TENM2: variants seen among roughly 807,000 people sequenced by gnomAD.
TENM2 encodes teneurin transmembrane protein 2, also known as teneurin-2.
TENM2 carries 52 observed loss-of-function variants against 245.2 expected under a neutral mutation model. That is an observed-to-expected ratio of 0.21 (90% CI 0.17 to 0.27). The LOEUF is 0.27. Ranked by LOEUF, TENM2 falls within the 10% of genes least tolerant of loss-of-function variation. The probability of loss-of-function intolerance (pLI) is 1.00; values close to 1 mark genes in which losing one functional copy is unlikely to be tolerated. For synonymous variants in TENM2, 1,363 were observed against 1,438.9 expected (o/e 0.95, Z 1.19); for missense variants, 3,046 against 3,666.8 (o/e 0.83, Z 4.37).
At chr5:167,881,304 C>T (rs902701136) in intron 3 of TENM2, among the ~76,000 whole-genome samples, 16 of 152,110 alleles carry the variant, frequency 1.1e-4, no homozygotes, top group Non-Finnish European at 1.9e-4. Flanking sequence ...TCTACAAAAG[C>T]CATTGTACAT....
At chr5:167,876,310 C>T in intron 3 of TENM2, 115 bp downstream of exon 5, 1 of 858,586 alleles carries the variant, frequency 1.2e-6, no homozygotes, top group South Asian at 1.6e-5. Context: ...TGGGGAGCAT[C>T]AGGGTGAAAT....
intron 4 of TENM2, among the ~76,000 whole-genome samples, chr5:167,990,010 T>C (rs1319558663): frequency 6.6e-6 from 1 of 152,294 alleles, no homozygotes; most frequent in East Asian, 1.9e-4. Flanking sequence ...ATTGGCAAGA[T>C]CACTGAGGAT....
At chr5:167,643,603 A>C (rs116266305) in intron 2 of TENM2, among the ~76,000 whole-genome samples, 1,713 of 152,346 alleles carry the variant, frequency 0.011, 19 homozygotes, top group East Asian at 0.061. Flanking sequence ...TTCAGAGTCA[A>C]GTTTTGTTCT....
intron 2 of TENM2, among the ~76,000 whole-genome samples, chr5:167,851,649 G>A (rs1474239863): frequency 1.3e-5 from 2 of 152,196 alleles, no homozygotes; most frequent in African/African-American, 4.8e-5. Context: ...GGACATTCCT[G>A]TCTTTGTGGG....
chr5:167,345,728 G>A (rs1758412201), intron 1 of TENM2, among the ~76,000 whole-genome samples: 1 of 151,956 alleles, frequency 6.6e-6, no homozygotes, highest in African/African-American at 2.4e-5. Context: ...ACTATATTTG[G>A]ACAAACCAAA....
the TENM2 span, among the ~76,000 whole-genome samples, chr5:167,052,343 A>G: frequency 6.6e-6 from 1 of 152,178 alleles, no homozygotes; most frequent in Non-Finnish European, 1.5e-5. Flanking sequence ...TGAAATGCCA[A>G]CATCATATTG....
intron 2 of TENM2, among the ~76,000 whole-genome samples, chr5:167,413,475 C>T (rs2127408885): frequency 6.6e-6 from 1 of 152,226 alleles, no homozygotes; most frequent in South Asian, 2.1e-4. Flanking sequence ...CTTGCTATTG[C>T]ATTATTATCC....
At chr5:167,499,051 T>TTA (rs1325438771) in intron 2 of TENM2, among the ~76,000 whole-genome samples, 6 of 152,148 alleles carry the variant, frequency 3.9e-5, no homozygotes, top group South Asian at 4.1e-4. Context: ...CATGTGCTTT[T>TTA]TCTTGCACTC....
chr5:167,564,321 G>T (rs188736635), intron 2 of TENM2, among the ~76,000 whole-genome samples: 39 of 152,280 alleles, frequency 2.6e-4, no homozygotes, highest in Admixed American at 1.2e-3. Context: ...AGAGGCCTAT[G>T]CAGCTGAAAA....
At chr5:168,057,457 T>A (rs1277851320) in intron 6 of TENM2, among the ~76,000 whole-genome samples, 1 of 152,162 alleles carries the variant, frequency 6.6e-6, no homozygotes, top group African/African-American at 2.4e-5. Flanking sequence ...CACTCTAATA[T>A]AGATATGGAC....
At chr5:167,602,087 T>C (rs1227285548) in intron 2 of TENM2, among the ~76,000 whole-genome samples, 2 of 152,090 alleles carry the variant, frequency 1.3e-5, no homozygotes, top group Non-Finnish European at 2.9e-5. Context: ...GTTTTGGCCA[T>C]GAATACTGCT....
At chr5:167,789,902 A>G (rs1002075765) in intron 2 of TENM2, among the ~76,000 whole-genome samples, 3 of 152,220 alleles carry the variant, frequency 2.0e-5, no homozygotes, top group Non-Finnish European at 4.4e-5. Context: ...CATAATATGT[A>G]CTTAATAAAT....
intron 2 of TENM2, among the ~76,000 whole-genome samples, chr5:167,410,235 A>C (rs1047762488): frequency 6.6e-6 from 1 of 152,012 alleles, no homozygotes; most frequent in Non-Finnish European, 1.5e-5. Context: ...GAAAAATAGC[A>C]ATCAAAGCAT....
At chr5:167,058,130 G>A in the TENM2 span, among the ~76,000 whole-genome samples, 9 of 152,138 alleles carry the variant, frequency 5.9e-5, no homozygotes, top group Admixed American at 5.2e-4. Flanking sequence ...AAGAGTTGTT[G>A]ATTTTTCAGT....
chr5:167,187,249 A>C, the TENM2 span, among the ~76,000 whole-genome samples: 1 of 152,168 alleles, frequency 6.6e-6, no homozygotes, highest in Non-Finnish European at 1.5e-5. Flanking sequence ...TGATTTGACA[A>C]AACAGGTCAT....
At chr5:167,516,108 ATAT>A (rs1366694601) in intron 2 of TENM2, among the ~76,000 whole-genome samples, 1 of 152,098 alleles carries the variant, frequency 6.6e-6, no homozygotes, top group Non-Finnish European at 1.5e-5. Flanking sequence ...TGCGTATATA[ATAT>A]TCAGGAAAAA....
At position 168,168,557 on chromosome 5, in the gene TENM2, G is replaced by A. The variant is rs548490121; in HGVS notation, c.2569+5800G>A. Among the ~76,000 whole-genome samples the A allele has an allele frequency of 1.9e-3, 286 of 152,148 alleles. 1 individual carries two copies. Among genetic ancestry groups the A allele is most frequent in the African/African-American group, 4.5e-3 (188 of 41,498 alleles). Reference sequence around the variant, plus strand: ...TAGCCAGGCAGGCATCCTGGCATGCGCCTGTAGTTCCAGCTACTCAGGAGG... The same window carrying A: ...TAGCCAGGCAGGCATCCTGGCATGCACCTGTAGTTCCAGCTACTCAGGAGG... On this transcript the variant is annotated intron_variant, in intron 13 of 28. Coordinates refer to ENST00000518659, the Ensembl canonical transcript of TENM2.
chr5:167,031,869 G>C, the TENM2 span, among the ~76,000 whole-genome samples: 1 of 152,082 alleles, frequency 6.6e-6, no homozygotes, highest in African/African-American at 2.4e-5. Context: ...CAGCCTATTT[G>C]AGTTTTTTAA....
At chr5:167,318,130 A>G (rs1185229274) in intron 1 of TENM2, among the ~76,000 whole-genome samples, 1 of 152,180 alleles carries the variant, frequency 6.6e-6, no homozygotes. Flanking sequence ...TTGGATTGTC[A>G]GTGTAGTTCT....
Sources: gnomAD v4.1 joint callset for allele counts (sites outside exome capture counted in the v4.1 genomes callset) on GRCh38, gnomAD v4.1.1 for gene constraint, MANE v1.5 for transcripts, NCBI Gene and HGNC (gene_info 2026-07-23, HGNC 2026-07-21) for gene names.